Variants in KDM4B observed in about 807,000 individuals in gnomAD.
KDM4B encodes lysine demethylase 4B.
A neutral mutation model predicts 125.2 loss-of-function variants in KDM4B; 32 were observed. The observed-to-expected ratio is 0.26, with a 90% CI of 0.19 to 0.34. The LOEUF (loss-of-function observed/expected upper bound fraction) is 0.34. Among genes scored for constraint, KDM4B ranks in the 10% least tolerant of loss-of-function variants. The pLI, the probability that KDM4B is intolerant of heterozygous loss-of-function variation, is 1.00. For synonymous variants in KDM4B, 721 were observed against 677.9 expected, an observed-to-expected ratio of 1.06 and a Z score of -0.99; for missense variants, 1,190 against 1,577.7, an observed-to-expected ratio of 0.75 and a Z score of 4.16.
At position 5,025,408 on chromosome 19, in the gene KDM4B, G is replaced by A. The variant is rs532700406; in HGVS notation, c.-25-7458G>A. Among the ~76,000 whole-genome samples the A allele has an allele frequency of 4.6e-5, 7 of 152,324 alleles. No homozygotes were observed. In the South Asian group the frequency reaches 1.2e-3, roughly 27 times the overall value. On this transcript the variant is annotated intron_variant, in intron 2 of 22. Transcript: ENST00000159111. ...GGAGAGTCTTCAGGTGGGGCCAGCC[G>A]GGCCTTAAACTGTGTATCTAACTGA...
chr19:5,089,270 G>A (rs2038611193), intron 9 of KDM4B, among the ~76,000 whole-genome samples: 1 of 152,188 alleles, frequency 6.6e-6, no homozygotes, highest in Admixed American at 6.5e-5. Flanking sequence ...AAACTGGGCA[G>A]CCTTTCTGGA....
At chr19:5,106,538 C>T (rs533296105) in intron 9 of KDM4B, among the ~76,000 whole-genome samples, 12 of 152,260 alleles carry the variant, frequency 7.9e-5, no homozygotes, top group Admixed American at 2.6e-4. Flanking sequence ...TGGGGGATTC[C>T]GCAGGACCCA....
chr19:5,068,414 T>A (rs1319270110), intron 6 of KDM4B, among the ~76,000 whole-genome samples: 1 of 152,216 alleles, frequency 6.6e-6, no homozygotes, highest in Non-Finnish European at 1.5e-5. Flanking sequence ...GCCCCGAGGC[T>A]ACCTTCTGGT....
At chr19:5,096,313 G>C (rs1276853007) in intron 9 of KDM4B, among the ~76,000 whole-genome samples, 1 of 152,110 alleles carries the variant, frequency 6.6e-6, no homozygotes. Flanking sequence ...TGGAACTCCT[G>C]ACCTCAAGTG....
rs1450353588 is a variant in KDM4B at position 5,119,652 on chromosome 19, G to C, written c.1116-1G>C. On this transcript the variant is annotated splice_acceptor_variant, in intron 10 of 22. Coordinates refer to ENST00000159111, the MANE Select transcript of KDM4B (RefSeq NM_015015.3). LOFTEE classifies it high-confidence loss of function. ...CCTGCCTGATAAACCTCCCTCTCCA[G>C]GTCTCACCGGAAACGGAGCCAGCCC... is the stretch of plus-strand genomic sequence containing the variant. 1 of 1,554,254 alleles carries C rather than the reference G, an allele frequency of 6.4e-7. No homozygotes were observed. Among genetic ancestry groups the C allele is most frequent in the Admixed American group, 1.9e-5 (1 of 51,856 alleles).
At chr19:4,974,698 A>ACT (rs1418192024) in intron 1 of KDM4B, among the ~76,000 whole-genome samples, 1 of 150,124 alleles carries the variant, frequency 6.7e-6, no homozygotes, top group Non-Finnish European at 1.5e-5. Flanking sequence ...AGATCACACC[A>ACT]CTGCACTCCA....
chr19:5,124,535 G>A (rs1397116208), intron 11 of KDM4B, among the ~76,000 whole-genome samples: 2 of 152,198 alleles, frequency 1.3e-5, no homozygotes, highest in East Asian at 3.8e-4. Context: ...TGGAGGAAGG[G>A]CGGCCACCAG....
chr19:5,084,817 G>GA (rs910005887), intron 9 of KDM4B, among the ~76,000 whole-genome samples: 2 of 150,986 alleles, frequency 1.3e-5, no homozygotes, highest in African/African-American at 2.4e-5. Flanking sequence ...CCGTCTCAAA[G>GA]AAAAAAAATG....
chr19:4,986,649 C>T (rs1044070399), intron 1 of KDM4B, among the ~76,000 whole-genome samples: 1 of 152,194 alleles, frequency 6.6e-6, no homozygotes, highest in Non-Finnish European at 1.5e-5. Context: ...CCTCGAGGGG[C>T]GGCGCTGCTT....
chr19:5,019,770 CAGT>C (rs2036035451), intron 2 of KDM4B, among the ~76,000 whole-genome samples: 2 of 92,878 alleles, frequency 2.2e-5, no homozygotes, highest in Non-Finnish European at 4.2e-5. Context: ...TTGGTGTGGA[CAGT>C]GGTGTGCAGG....
intron 11 of KDM4B, among the ~76,000 whole-genome samples, chr19:5,125,962 G>A (rs2039442616): frequency 6.6e-6 from 1 of 152,196 alleles, no homozygotes; most frequent in South Asian, 2.1e-4. Flanking sequence ...CACAGTCAGG[G>A]GCACGACAGG....
Position 5,082,358 on chromosome 19 carries a change from C to T in KDM4B, c.781-9C>T. On this transcript the variant is annotated splice_polypyrimidine_tract_variant and intron_variant, in intron 8 of 22. Coordinates refer to ENST00000159111, the MANE Select transcript of KDM4B (RefSeq NM_015015.3). This position sits in a 1 kb window ranked among gnomAD's most constrained non-coding sequence, Gnocchi z 5.4. ...GCCCTGCCCTCACCTGTCTCCTTTC[C>T]CTCTGCAGATCACGCAGGAGGCCGG... is the stretch of plus-strand genomic sequence containing the variant. The T allele has an allele frequency of 6.2e-7, 1 of 1,613,474 alleles. No homozygotes were observed. Among genetic ancestry groups the T allele is most frequent in the East Asian group, 2.2e-5 (1 of 44,866 alleles).
At chr19:5,000,541 T>C (rs2035352697) in intron 1 of KDM4B, among the ~76,000 whole-genome samples, 1 of 152,110 alleles carries the variant, frequency 6.6e-6, no homozygotes, top group Admixed American at 6.6e-5. Context: ...CCCATCGTTA[T>C]TTGTAACTCC....
intron 10 of KDM4B, chr19:5,119,175 A>C (rs1568308851): frequency 1.3e-6 from 2 of 1,535,388 alleles, no homozygotes; most frequent in Non-Finnish European, 1.7e-6. Flanking sequence ...AGAGGAAACC[A>C]AGTCTAGAAA....
intron 1 of KDM4B, among the ~76,000 whole-genome samples, chr19:4,978,039 C>G (rs1208726075): frequency 6.6e-6 from 1 of 152,182 alleles, no homozygotes; most frequent in South Asian, 2.1e-4. Context: ...GTCTTGCAGT[C>G]GGGCCGCGTG....
At chr19:5,132,780 A>C (rs767331163) in intron 13 of KDM4B, among the ~76,000 whole-genome samples, 4 of 152,110 alleles carry the variant, frequency 2.6e-5, no homozygotes, top group African/African-American at 7.2e-5. Flanking sequence ...CTGTGAGACC[A>C]TCACGGCCCC....
At chr19:5,074,530 G>A (rs959844016) in intron 7 of KDM4B, 3 of 152,282 alleles carry the variant, frequency 2.0e-5, no homozygotes, top group East Asian at 3.8e-4. Context: ...GTGCGCCTTT[G>A]TTAGAGCTTT....
At chr19:5,089,471 G>A (rs538401155) in intron 9 of KDM4B, among the ~76,000 whole-genome samples, 3 of 152,300 alleles carry the variant, frequency 2.0e-5, no homozygotes, top group Non-Finnish European at 2.9e-5. Flanking sequence ...GCTCCATGAG[G>A]TTTGCTCTGT....
intron 1 of KDM4B, among the ~76,000 whole-genome samples, chr19:4,991,416 C>G (rs2035028991): frequency 6.6e-6 from 1 of 152,140 alleles, no homozygotes; most frequent in Non-Finnish European, 1.5e-5. Flanking sequence ...TAGTTCGAGA[C>G]CAGCCTGGGC....
Sources: gnomAD v4.1 joint callset for allele counts (sites outside exome capture counted in the v4.1 genomes callset) on GRCh38, gnomAD v4.1.1 for gene constraint, Gnocchi (gnomAD v3.1) non-coding constraint, MANE v1.5 for transcripts, NCBI Gene and HGNC (gene_info 2026-07-23, HGNC 2026-07-21) for gene names.